The following MOB1B variants were observed in gnomAD, a reference collection of about 807,000 sequenced individuals.
The protein encoded by MOB1B is MOB1 Mps One Binder homolog B.
A neutral mutation model predicts 24.4 loss-of-function variants in MOB1B; 19 were observed. The observed-to-expected ratio is 0.78, with a 90% CI of 0.54 to 1.14. The LOEUF (loss-of-function observed/expected upper bound fraction) is 1.14, where lower values mean the gene tolerates loss of function less well. Ranked by LOEUF, MOB1B falls within the 50% of genes most tolerant of loss-of-function variation. The pLI, the probability that MOB1B is intolerant of heterozygous loss-of-function variation, is 0.00. For missense variants in MOB1B, 243 were observed against 259.6 expected, an observed-to-expected ratio of 0.94 and a Z score of 0.44; for synonymous variants, 76 against 82.1, an observed-to-expected ratio of 0.93 and a Z score of 0.40.
chr4:70,976,276 T>G lies in MOB1B; in HGVS notation c.409+990T>G, dbSNP rs1020015945. On this transcript the variant is annotated intron_variant, in intron 4 of 5. Transcript: ENST00000309395. The stretch of plus-strand genomic sequence containing the variant: ...TATTGAGTAGATTGCTAATAACATC[T>G]GCCACAGTTGTATCTACTTATTTAG... 8 of 984,120 alleles carry G rather than the reference T, an allele frequency of 8.1e-6. No individual in the cohort carries two copies. The African/African-American group carries it at 1.4e-4, about 17-fold the overall frequency. The allele number at this position is 984,120 out of a possible 1,614,324, so 61.0% of individuals were successfully genotyped here.
intron 1 of MOB1B, among the ~76,000 whole-genome samples, chr4:70,956,301 T>C (rs1578386104): frequency 2.0e-5 from 3 of 152,284 alleles, no homozygotes; most frequent in South Asian, 4.1e-4. Context: ...AAATTTTAAA[T>C]ATATTTTTTA....
chr4:70,966,292 C>T (rs1738527717), intron 2 of MOB1B, among the ~76,000 whole-genome samples: 1 of 151,558 alleles, frequency 6.6e-6, no homozygotes, highest in South Asian at 2.1e-4. Flanking sequence ...CACCTGTAAT[C>T]CCAGTGCTTT....
intron 3 of MOB1B, among the ~76,000 whole-genome samples, chr4:70,974,937 C>T (rs1328737622): frequency 6.6e-6 from 1 of 152,042 alleles, no homozygotes; most frequent in Non-Finnish European, 1.5e-5. Context: ...GTGAGGAGAG[C>T]ATAGAAACAA....
chr4:70,972,624 A>C (rs1034868894), intron 3 of MOB1B, among the ~76,000 whole-genome samples: 1 of 152,224 alleles, frequency 6.6e-6, no homozygotes, highest in Admixed American at 6.5e-5. Flanking sequence ...ATAGTCTGTC[A>C]AAGGTAGAAT....
At chr4:70,971,504 CA>C (rs906280735) in intron 3 of MOB1B, among the ~76,000 whole-genome samples, 2,672 of 64,854 alleles carry the variant, frequency 0.041, 47 homozygotes, top group African/African-American at 0.11. Context: ...GACTCTGTCT[CA>C]AAAAAAAAAA....
chr4:70,909,120 T>G (rs1314739507), intron 1 of MOB1B, among the ~76,000 whole-genome samples: 2 of 152,064 alleles, frequency 1.3e-5, no homozygotes, highest in African/African-American at 4.8e-5. Flanking sequence ...TGTCTGTCTC[T>G]GTTTCTCTCT....
Position 70,911,983 on chromosome 4 carries a change from G to A in MOB1B, c.14+9433G>A, listed in dbSNP as rs573892290. On this transcript the variant is annotated intron_variant, in intron 1 of 5. Transcript: ENST00000309395. ...ACTATCTTGACTCACTGCAACCTCT[G>A]CCTCCTGGGTTCAAGTGATTCTCCA... 2.0e-5 allele frequency among the ~76,000 whole-genome samples: 3 copies of A among 148,370 alleles called. No homozygotes were observed. The East Asian group carries it at 6.0e-4, about 30-fold the overall frequency.
Position 70,950,676 on chromosome 4 carries a change from A to G in MOB1B, c.15-8198A>G. 7.2e-6 allele frequency: 9 copies of G among 1,253,128 alleles called. No individual in the cohort carries two copies. In the South Asian group the frequency reaches 9.2e-5, roughly 13 times the overall value. The allele number at this position is 1,253,128 out of a possible 1,614,324, so 77.6% of individuals were successfully genotyped here. A position where few individuals can be genotyped will look rare whatever the true frequency, so the allele number is the denominator to read the frequency against. On this transcript the variant is annotated intron_variant, in intron 1 of 5. Coordinates refer to ENST00000309395, the MANE Select transcript of MOB1B (RefSeq NM_173468.4). ...TTGCGGTAAATGTTAGTTAATATTA[A>G]TCATCATTATTATCCTGATGTAGGA...
intron 1 of MOB1B, among the ~76,000 whole-genome samples, chr4:70,953,892 C>T (rs1179365616): frequency 6.6e-6 from 1 of 152,016 alleles, no homozygotes; most frequent in Non-Finnish European, 1.5e-5. Context: ...TTCAATGAGC[C>T]AAGATTATGC....
At chr4:70,957,000 C>T (rs550299014) in intron 1 of MOB1B, among the ~76,000 whole-genome samples, 2 of 151,330 alleles carry the variant, frequency 1.3e-5, no homozygotes, top group South Asian at 4.2e-4. Flanking sequence ...ACTGGTTTAT[C>T]TTAGGGAAAG....
At chr4:70,925,870 G>T (rs1736630965) in intron 1 of MOB1B, among the ~76,000 whole-genome samples, 1 of 152,102 alleles carries the variant, frequency 6.6e-6, no homozygotes, top group Admixed American at 6.6e-5. Flanking sequence ...TTATTTTCTT[G>T]TTTAATGTGT....
chr4:70,937,106 C>T (rs545232141), intron 1 of MOB1B, among the ~76,000 whole-genome samples: 25 of 152,002 alleles, frequency 1.6e-4, no homozygotes, highest in Non-Finnish European at 2.5e-4. Flanking sequence ...TTAGTAGAGA[C>T]GGGGTTTTGC....
intron 2 of MOB1B, 112 bp from the exon 3 acceptor site, chr4:70,969,819 T>A: frequency 1.6e-4 from 76 of 461,354 alleles, no homozygotes; most frequent in Middle Eastern, 3.1e-4. Flanking sequence ...GGTTTTCACC[T>A]GTTCTTTGTA....
chr4:70,965,036 A>G (rs904890283), intron 2 of MOB1B, among the ~76,000 whole-genome samples: 3 of 151,110 alleles, frequency 2.0e-5, no homozygotes, highest in Admixed American at 2.0e-4. Context: ...GGTAGCTCAC[A>G]CCTATAATCC....
At chr4:70,944,004 C>A (rs1737467723) in intron 1 of MOB1B, among the ~76,000 whole-genome samples, 1 of 151,382 alleles carries the variant, frequency 6.6e-6, no homozygotes, top group Admixed American at 6.6e-5. Context: ...GTTAACATCA[C>A]AAACTATAGA....
chr4:70,954,560 A>T (rs552944649), intron 1 of MOB1B, among the ~76,000 whole-genome samples: 3 of 147,752 alleles, frequency 2.0e-5, no homozygotes, highest in East Asian at 4.0e-4. Context: ...GGTTCAAGCA[A>T]TTCTCCTGCC....
At position 70,982,750 on chromosome 4, in the gene MOB1B, C is replaced by T. The variant is rs1696072758; in HGVS notation, c.*693C>T. ...TTCCCACCTCTTGATATCTGTGATACTGAAACTTGAGGATGTTGAAATGTA... is the reference window on the plus strand; with the variant it reads ...TTCCCACCTCTTGATATCTGTGATATTGAAACTTGAGGATGTTGAAATGTA... On this transcript the variant is annotated 3_prime_UTR_variant, in exon 6 of 6. Coordinates refer to ENST00000309395, the MANE Select transcript of MOB1B (RefSeq NM_173468.4). 1 of 152,538 alleles carries T rather than the reference C, an allele frequency of 6.6e-6. No individual in the cohort carries two copies. Among genetic ancestry groups the T allele is most frequent in the Non-Finnish European group, 1.5e-5 (1 of 68,024 alleles). The allele number at this position is 152,538 out of a possible 1,614,324, so 9.4% of individuals were successfully genotyped here.
intron 1 of MOB1B, among the ~76,000 whole-genome samples, chr4:70,928,418 C>G (rs760139300): frequency 6.6e-6 from 1 of 151,764 alleles, no homozygotes; most frequent in Non-Finnish European, 1.5e-5. Flanking sequence ...GCTTCAGCCT[C>G]TTGAGTAGCT....
chr4:70,985,618 G>A lies in MOB1B; in HGVS notation c.*3561G>A, dbSNP rs1739353525. The A allele has an allele frequency of 6.6e-6, 1 of 152,096 alleles. No individual in the cohort carries two copies. Among genetic ancestry groups the A allele is most frequent in the African/African-American group, 2.4e-5 (1 of 41,384 alleles). The allele number at this position is 152,096 out of a possible 1,614,324, so 9.4% of individuals were successfully genotyped here. On this transcript the variant is annotated 3_prime_UTR_variant, in exon 6 of 6. Coordinates refer to ENST00000309395, the MANE Select transcript of MOB1B (RefSeq NM_173468.4). ...AGCTCACTGCAACCTCCACCTCCTG[G>A]GTTCAAGCATTTCTCCTGCCTCAGC...
Sources: allele counts gnomAD v4.1 joint callset (sites outside exome capture counted in the v4.1 genomes callset), GRCh38; gene constraint gnomAD v4.1.1; transcripts MANE v1.5; gene names NCBI Gene and HGNC (gene_info 2026-07-23, HGNC 2026-07-21).